The following BMAL2 variants were observed in gnomAD, a reference collection of about 807,000 sequenced individuals.
BMAL2 encodes basic helix-loop-helix ARNT like 2, also known as basic helix-loop-helix ARNT-like protein 2.
the BMAL2 span, among the ~76,000 whole-genome samples, chr12:27,395,995 G>T: frequency 6.6e-6 from 1 of 152,190 alleles, no homozygotes; most frequent in African/African-American, 2.4e-5. Context: ...GTGGTACAGG[G>T]TGAATTGTTT....
At chr12:27,338,759 C>T in the BMAL2 span, among the ~76,000 whole-genome samples, 1 of 152,072 alleles carries the variant, frequency 6.6e-6, no homozygotes, top group African/African-American at 2.4e-5. Flanking sequence ...TTTTTGGTTC[C>T]TGGCAGGCAA....
chr12:27,335,122 T>C, the BMAL2 span, among the ~76,000 whole-genome samples: 1 of 152,250 alleles, frequency 6.6e-6, no homozygotes, highest in African/African-American at 2.4e-5. Flanking sequence ...TATTTCTCCC[T>C]ATTCCCAGAG....
chr12:27,400,797 G>T, the BMAL2 span: 1 of 1,567,180 alleles, frequency 6.4e-7, no homozygotes, highest in Non-Finnish European at 8.7e-7. Flanking sequence ...ATGTTATAAT[G>T]ATTAGAATTC....
the BMAL2 span, among the ~76,000 whole-genome samples, chr12:27,337,198 G>A: frequency 6.6e-6 from 1 of 152,168 alleles, no homozygotes; most frequent in South Asian, 2.1e-4. Flanking sequence ...GAAATGTAAA[G>A]AGAATCATTC....
the BMAL2 span, among the ~76,000 whole-genome samples, chr12:27,344,575 T>C: frequency 1.3e-5 from 2 of 152,194 alleles, no homozygotes; most frequent in African/African-American, 4.8e-5. Flanking sequence ...GGAGTTTCTT[T>C]TTCCTCAAGG....
the BMAL2 span, among the ~76,000 whole-genome samples, chr12:27,379,623 G>A: frequency 2.0e-5 from 3 of 152,134 alleles, no homozygotes; most frequent in Non-Finnish European, 4.4e-5. Context: ...GCAAGAGATC[G>A]CAAGAGAGAA....
chr12:27,342,613 A>C, the BMAL2 span, among the ~76,000 whole-genome samples: 1 of 152,272 alleles, frequency 6.6e-6, no homozygotes, highest in African/African-American at 2.4e-5. Context: ...CAGTGAACAC[A>C]GTTTCCAGCT....
At chr12:27,377,051 C>T in the BMAL2 span, among the ~76,000 whole-genome samples, 1 of 147,640 alleles carries the variant, frequency 6.8e-6, no homozygotes, top group South Asian at 2.1e-4. Flanking sequence ...AGTTCTTTGT[C>T]AATTATTTCA....
At chr12:27,349,529 T>G in the BMAL2 span, among the ~76,000 whole-genome samples, 11 of 152,324 alleles carry the variant, frequency 7.2e-5, no homozygotes, top group African/African-American at 2.6e-4. Context: ...CCCCTTAATT[T>G]GTCTCAGACC....
At chr12:27,412,034 G>A in the BMAL2 span, among the ~76,000 whole-genome samples, 1 of 152,118 alleles carries the variant, frequency 6.6e-6, no homozygotes, top group Non-Finnish European at 1.5e-5. Context: ...TGTATATGGG[G>A]TAAGGTAAGA....
the BMAL2 span, chr12:27,401,656 C>G: frequency 1.3e-6 from 2 of 1,592,348 alleles, no homozygotes; most frequent in Non-Finnish European, 1.7e-6. Context: ...TATATTGTAT[C>G]TGTCAACACT....
At chr12:27,332,940 G>C in the BMAL2 span, 6 of 606,596 alleles carry the variant, frequency 9.9e-6, no homozygotes, top group Non-Finnish European at 1.3e-5. Flanking sequence ...GGCGGCCGCC[G>C]CGGCACCCGG....
At chr12:27,375,408 G>A in the BMAL2 span, among the ~76,000 whole-genome samples, 8 of 152,016 alleles carry the variant, frequency 5.3e-5, no homozygotes, top group African/African-American at 1.9e-4. Flanking sequence ...TTGAAACTAC[G>A]CAGAAATATT....
At chr12:27,347,620 A>T in the BMAL2 span, among the ~76,000 whole-genome samples, 5 of 152,130 alleles carry the variant, frequency 3.3e-5, no homozygotes, top group Admixed American at 6.5e-5. Context: ...GCTTTTTTTT[A>T]AAAAAAATAT....
At chr12:27,375,802 A>G in the BMAL2 span, among the ~76,000 whole-genome samples, 1 of 152,218 alleles carries the variant, frequency 6.6e-6, no homozygotes. Flanking sequence ...TGCTGAGTAC[A>G]TTTCTGATGC....
the BMAL2 span, among the ~76,000 whole-genome samples, chr12:27,343,578 C>T: frequency 1.3e-5 from 2 of 152,160 alleles, no homozygotes; most frequent in Non-Finnish European, 2.9e-5. Flanking sequence ...ACAATGATCT[C>T]GGTGTAGACC....
chr12:27,338,411 G>C, the BMAL2 span, among the ~76,000 whole-genome samples: 1 of 151,908 alleles, frequency 6.6e-6, no homozygotes, highest in Non-Finnish European at 1.5e-5. Flanking sequence ...ACCACAGAAG[G>C]CTTTCAGAGA....
At chr12:27,390,005 A>G in the BMAL2 span, 1 of 1,487,090 alleles carries the variant, frequency 6.7e-7, no homozygotes. Flanking sequence ...TTTCTCAATA[A>G]TAGATGGTCA....
the BMAL2 span, chr12:27,368,309 A>G: frequency 9.3e-6 from 15 of 1,614,170 alleles, no homozygotes; most frequent in South Asian, 1.6e-4. Flanking sequence ...TGTGGTTTCC[A>G]GCCGCGTGAG....
Sources: gnomAD v4.1 joint callset for allele counts (sites outside exome capture counted in the v4.1 genomes callset) on GRCh38, gnomAD v4.1.1 for gene constraint, MANE v1.5 for transcripts, NCBI Gene and HGNC (gene_info 2026-07-23, HGNC 2026-07-21) for gene names.